The following NRXN1 variants were observed in gnomAD, a reference collection of about 807,000 sequenced individuals.
NRXN1 encodes the protein neurexin-1.
Under a neutral mutation model 150.9 loss-of-function variants are expected in NRXN1, and 39 were observed. The ratio of observed to expected loss-of-function variants is 0.26; its 90% CI spans 0.20 to 0.34. The LOEUF (loss-of-function observed/expected upper bound fraction) is 0.34. Among genes scored for constraint, NRXN1 ranks in the 10% least tolerant of loss-of-function variants. The pLI, the probability that NRXN1 is intolerant of heterozygous loss-of-function variation, is 1.00. For synonymous variants in NRXN1, 924 were observed against 757.0 expected (o/e 1.22, Z -3.62); for missense variants, 1,815 against 1,949.9 (o/e 0.93, Z 1.30).
At chr2:50,444,966 AG>A (rs1449192141) in intron 17 of NRXN1, among the ~76,000 whole-genome samples, 1 of 152,162 alleles carries the variant, frequency 6.6e-6, no homozygotes, top group African/African-American at 2.4e-5. Context: ...CACTCAGGCA[AG>A]TGCCTGACCC....
At chr2:50,672,070 C>T (rs1362266908) in intron 5 of NRXN1, among the ~76,000 whole-genome samples, 1 of 151,762 alleles carries the variant, frequency 6.6e-6, no homozygotes, top group Non-Finnish European at 1.5e-5. Flanking sequence ...TTTATGGTGA[C>T]CCATAATATT....
intron 5 of NRXN1, among the ~76,000 whole-genome samples, chr2:50,818,997 C>T (rs1559307337): frequency 6.6e-6 from 1 of 152,042 alleles, no homozygotes; most frequent in Non-Finnish European, 1.5e-5. Context: ...ACACCTGTTA[C>T]GATGGCCATA....
At chr2:50,447,156 T>G (rs2086488116) in intron 17 of NRXN1, among the ~76,000 whole-genome samples, 1 of 152,034 alleles carries the variant, frequency 6.6e-6, no homozygotes, top group African/African-American at 2.4e-5. Flanking sequence ...TTTTGACATT[T>G]TTTCTGGCCC....
chr2:51,018,306 A>G (rs945719771), intron 2 of NRXN1, among the ~76,000 whole-genome samples: 10 of 152,124 alleles, frequency 6.6e-5, no homozygotes, highest in African/African-American at 2.2e-4. Context: ...CTAAGAAAGC[A>G]CTATTTGATG....
At chr2:50,597,001 C>T (rs537092489) in intron 8 of NRXN1, among the ~76,000 whole-genome samples, 69 of 151,574 alleles carry the variant, frequency 4.6e-4, no homozygotes, top group Admixed American at 1.7e-3. Flanking sequence ...AACAGGCACA[C>T]GCCACCATCC....
At chr2:50,388,088 G>T (rs942898752) in intron 17 of NRXN1, among the ~76,000 whole-genome samples, 1 of 152,096 alleles carries the variant, frequency 6.6e-6, no homozygotes, top group East Asian at 1.9e-4. Flanking sequence ...CAGATTTAAG[G>T]TACATGCTGA....
chr2:50,940,059 T>C (rs184258981), intron 2 of NRXN1, among the ~76,000 whole-genome samples: 308 of 152,344 alleles, frequency 2.0e-3, no homozygotes, highest in Non-Finnish European at 3.0e-3. Flanking sequence ...ACCTACGAAA[T>C]AGAATTATTT....
intron 17 of NRXN1, among the ~76,000 whole-genome samples, chr2:50,381,463 T>C (rs2080954446): frequency 6.6e-6 from 1 of 150,378 alleles, no homozygotes; most frequent in Non-Finnish European, 1.5e-5. Context: ...GTTTTGCGAA[T>C]AAACTGACAA....
At chr2:50,637,204 G>A (rs1683357266) in intron 5 of NRXN1, among the ~76,000 whole-genome samples, 1 of 152,056 alleles carries the variant, frequency 6.6e-6, no homozygotes, top group Non-Finnish European at 1.5e-5. Context: ...TATAAATTAT[G>A]AAACTGTTCT....
chr2:50,656,514 G>A (rs147184288), intron 5 of NRXN1: 1 of 612,392 alleles, frequency 1.6e-6, no homozygotes, highest in African/African-American at 1.9e-5. Flanking sequence ...GGTGAAAGGG[G>A]AAGTTAATTT....
chr2:50,382,432 T>C (rs976765194), intron 17 of NRXN1, among the ~76,000 whole-genome samples: 15 of 152,174 alleles, frequency 9.9e-5, no homozygotes, highest in African/African-American at 3.6e-4. Context: ...TTAGTTTAAT[T>C]ATCATGGGAC....
chr2:49,936,887 T>C (rs1198499651), intron 22 of NRXN1, among the ~76,000 whole-genome samples: 6 of 152,130 alleles, frequency 3.9e-5, no homozygotes, highest in African/African-American at 1.4e-4. Flanking sequence ...GCTGAACTCC[T>C]AGTAGAAACT....
chr2:50,262,329 A>G (rs1386357113), intron 17 of NRXN1, among the ~76,000 whole-genome samples: 1 of 151,856 alleles, frequency 6.6e-6, no homozygotes, highest in Non-Finnish European at 1.5e-5. Flanking sequence ...TTAATTTTCT[A>G]AAATCATATA....
At chr2:49,961,335 C>CAT (rs1675915199) in intron 21 of NRXN1, among the ~76,000 whole-genome samples, 1 of 152,006 alleles carries the variant, frequency 6.6e-6, no homozygotes, top group Non-Finnish European at 1.5e-5. Flanking sequence ...CACACACACA[C>CAT]ACACACACAC....
intron 19 of NRXN1, among the ~76,000 whole-genome samples, chr2:50,088,963 A>G (rs1456856127): frequency 1.3e-5 from 2 of 152,176 alleles, no homozygotes; most frequent in Non-Finnish European, 2.9e-5. Flanking sequence ...CTAAAATGCA[A>G]TGATGTTTGG....
At position 50,538,651 on chromosome 2, in the gene NRXN1, G is replaced by C; in HGVS notation, c.1760-15C>G. The C allele has an allele frequency of 1.4e-6, 2 of 1,469,924 alleles. No individual in the cohort carries two copies. The highest frequency in any genetic ancestry group is 1.8e-6 in the Non-Finnish European group (2 of 1,107,496). 91.1% of individuals were successfully genotyped at this position (1,469,924 alleles called of 1,614,324 possible). On this transcript the variant is annotated splice_polypyrimidine_tract_variant and intron_variant, in intron 9 of 22. Transcript: ENST00000401669. ...AGAAATGGTACCTATTTCAAAGAGA[G>C]GAGAATGCACAGGTCTTTAAAAAGC... is the stretch of plus-strand genomic sequence containing the variant.
chr2:50,077,748 A>G (rs1380717354), intron 19 of NRXN1, among the ~76,000 whole-genome samples: 1 of 152,138 alleles, frequency 6.6e-6, no homozygotes, highest in Non-Finnish European at 1.5e-5. Flanking sequence ...TTGGAAATGC[A>G]TATGGTAATA....
chr2:50,837,647 T>C (rs997574640), intron 5 of NRXN1, among the ~76,000 whole-genome samples: 22 of 152,196 alleles, frequency 1.4e-4, no homozygotes, highest in African/African-American at 4.8e-4. Flanking sequence ...TTAACAATTA[T>C]AAGAGCTGAG....
chr2:50,343,767 T>C (rs541849563), intron 17 of NRXN1, among the ~76,000 whole-genome samples: 29 of 152,326 alleles, frequency 1.9e-4, no homozygotes, highest in South Asian at 8.3e-4. Context: ...TTTCAAAACA[T>C]AGGGGACTCA....
Sources: allele counts gnomAD v4.1 joint callset (sites outside exome capture counted in the v4.1 genomes callset), GRCh38; gene constraint gnomAD v4.1.1; transcripts MANE v1.5; gene names NCBI Gene and HGNC (gene_info 2026-07-23, HGNC 2026-07-21).